Variants in L3MBTL3 observed in about 807,000 individuals in gnomAD.
The protein encoded by L3MBTL3 is lethal(3)malignant brain tumor-like protein 3.
Under a neutral mutation model 102.3 loss-of-function variants are expected in L3MBTL3, and 27 were observed. The observed-to-expected ratio is 0.26, with a 90% CI of 0.19 to 0.36. The LOEUF (loss-of-function observed/expected upper bound fraction) is 0.36. L3MBTL3 is among the 10% of genes least tolerant of loss of function. The probability of loss-of-function intolerance (pLI) is 1.00; values close to 1 mark genes in which losing one functional copy is unlikely to be tolerated. For synonymous variants in L3MBTL3, 340 were observed against 320.9 expected, an observed-to-expected ratio of 1.06 and a Z score of -0.64; for missense variants, 798 against 955.3, an observed-to-expected ratio of 0.84 and a Z score of 2.17.
rs1474963226 is a variant in L3MBTL3, at chr6:130,140,777, AG to A, written c.*1027del. 6.6e-6 allele frequency: 1 copy of A among 152,276 alleles called. No homozygotes were observed. The highest frequency in any genetic ancestry group is 1.5e-5 in the Non-Finnish European group (1 of 68,028). The allele number at this position is 152,276 out of a possible 1,614,324, so 9.4% of individuals were successfully genotyped here. ...TCCTCCAAACCCAAAGGTTTTTTTC[AG>A]GGTTGGCTAGAGAGCGAGTATTGTG... On this transcript the variant is annotated 3_prime_UTR_variant, in exon 23 of 23. Transcript: ENST00000361794.
intron 19 of L3MBTL3, among the ~76,000 whole-genome samples, chr6:130,109,285 G>C (rs1217308883): frequency 1.3e-5 from 2 of 152,188 alleles, no homozygotes; most frequent in East Asian, 3.9e-4. Flanking sequence ...TTGCCACAGT[G>C]TCTTCTATAA....
chr6:130,073,957 C>T (rs1024848346), intron 13 of L3MBTL3, among the ~76,000 whole-genome samples: 1 of 152,048 alleles, frequency 6.6e-6, no homozygotes, highest in Non-Finnish European at 1.5e-5. Flanking sequence ...TGTTTTCTTC[C>T]TCAACATGCA....
intron 16 of L3MBTL3, among the ~76,000 whole-genome samples, chr6:130,087,905 C>T (rs909643563): frequency 6.6e-6 from 1 of 151,550 alleles, no homozygotes; most frequent in Non-Finnish European, 1.5e-5. Flanking sequence ...AAAGTAATGA[C>T]AGTGCTTCTT....
intron 19 of L3MBTL3, among the ~76,000 whole-genome samples, chr6:130,107,645 G>A (rs1189603682): frequency 6.6e-6 from 1 of 152,162 alleles, no homozygotes; most frequent in African/African-American, 2.4e-5. Flanking sequence ...CATGGTTCTT[G>A]TTTCTTCTGG....
At chr6:130,131,203 C>T (rs1786988894) in intron 20 of L3MBTL3, among the ~76,000 whole-genome samples, 1 of 149,484 alleles carries the variant, frequency 6.7e-6, no homozygotes, top group Non-Finnish European at 1.5e-5. Flanking sequence ...TAGAAATAAG[C>T]CCTTTACAAA....
intron 3 of L3MBTL3, among the ~76,000 whole-genome samples, chr6:130,046,860 A>G (rs1236187570): frequency 6.6e-6 from 1 of 152,220 alleles, no homozygotes; most frequent in African/African-American, 2.4e-5. Flanking sequence ...ACATAGTGTT[A>G]GGAAATGTAT....
intron 6 of L3MBTL3, 135 bp downstream of exon 6, chr6:130,051,543 G>A (rs1020087794): frequency 2.7e-6 from 2 of 733,556 alleles, no homozygotes; most frequent in African/African-American, 3.5e-5. Context: ...TTTCCTTTAG[G>A]GCCACATGGG....
At chr6:130,026,453 T>C (rs540531743) in intron 2 of L3MBTL3, among the ~76,000 whole-genome samples, 1 of 152,302 alleles carries the variant, frequency 6.6e-6, no homozygotes, top group East Asian at 1.9e-4. Flanking sequence ...TAGTAACACA[T>C]AGAATATTTT....
intron 19 of L3MBTL3, among the ~76,000 whole-genome samples, chr6:130,116,658 C>G (rs994513136): frequency 6.6e-6 from 1 of 151,936 alleles, no homozygotes; most frequent in Non-Finnish European, 1.5e-5. Flanking sequence ...GAGGCTGAGG[C>G]TGGAGAAGCA....
chr6:130,115,799 TATTGAATTGA>T (rs549179421), intron 19 of L3MBTL3, among the ~76,000 whole-genome samples: 239 of 152,322 alleles, frequency 1.6e-3, no homozygotes, highest in Non-Finnish European at 3.0e-3. Flanking sequence ...AACTGAAATG[TATTGAATTGA>T]ATTGAATTGT....
intron 5 of L3MBTL3, among the ~76,000 whole-genome samples, chr6:130,050,190 C>T (rs1781006378): frequency 6.6e-6 from 1 of 152,216 alleles, no homozygotes; most frequent in South Asian, 2.1e-4. Flanking sequence ...GCCAGAGGAA[C>T]TTAACGTAGA....
chr6:130,124,695 G>T (rs1219545701), intron 20 of L3MBTL3, among the ~76,000 whole-genome samples: 3 of 152,244 alleles, frequency 2.0e-5, no homozygotes, highest in Admixed American at 1.3e-4. Flanking sequence ...CAGGGGCCAG[G>T]TGTGGTGGCT....
At chr6:130,019,195 G>A (rs1186173459) in intron 1 of L3MBTL3, among the ~76,000 whole-genome samples, 1 of 150,528 alleles carries the variant, frequency 6.6e-6, no homozygotes, top group East Asian at 2.0e-4. Flanking sequence ...TCGTGACACC[G>A]GGCGCGGGGT....
At chr6:130,020,862 C>G (rs1417442159) in intron 1 of L3MBTL3, among the ~76,000 whole-genome samples, 1 of 151,284 alleles carries the variant, frequency 6.6e-6, no homozygotes, top group Non-Finnish European at 1.5e-5. Context: ...TCCCTTGGCC[C>G]GCTTCTCCAC....
At chr6:130,118,537 G>A (rs1785890396) in intron 19 of L3MBTL3, among the ~76,000 whole-genome samples, 1 of 152,166 alleles carries the variant, frequency 6.6e-6, no homozygotes, top group Non-Finnish European at 1.5e-5. Context: ...TCTAGCTAAA[G>A]GAAACAGCAC....
In L3MBTL3 at chr6:130,083,594, A is replaced by G. The variant is rs773372552; in HGVS notation, c.1322-26A>G. 9 of 1,143,916 alleles carry G rather than the reference A, an allele frequency of 7.9e-6. No individual in the cohort carries two copies. The African/African-American group carries it at 1.3e-4, about 16-fold the overall frequency. 70.9% of individuals were successfully genotyped at this position (1,143,916 alleles called of 1,614,324 possible). ...CTTGCTATCATTTTGGTTAAACCTCATAGGATTTACATTTTTCTTTCTTAG... is the reference window on the plus strand; with the variant it reads ...CTTGCTATCATTTTGGTTAAACCTCGTAGGATTTACATTTTTCTTTCTTAG... On this transcript the variant is annotated intron_variant, in intron 14 of 22. Transcript: ENST00000361794.
At chr6:130,081,039 C>G (rs1048767701) in intron 14 of L3MBTL3, among the ~76,000 whole-genome samples, 1 of 152,246 alleles carries the variant, frequency 6.6e-6, no homozygotes, top group Non-Finnish European at 1.5e-5. Flanking sequence ...ATTTCTGCAT[C>G]CACTAAGCTG....
At chr6:130,124,799 A>G (rs1004280219) in intron 20 of L3MBTL3, among the ~76,000 whole-genome samples, 3 of 152,028 alleles carry the variant, frequency 2.0e-5, no homozygotes, top group Non-Finnish European at 2.9e-5. Context: ...GGAGAAACCC[A>G]GTCTTTACTA....
At chr6:130,049,729 T>A (rs780927271) in intron 4 of L3MBTL3, 27 bp from the exon 5 acceptor site, 49 of 1,613,846 alleles carry the variant, frequency 3.0e-5, no homozygotes, top group Non-Finnish European at 4.1e-5. Flanking sequence ...ACCTATATGC[T>A]GATGACTCCT....
Sources: gnomAD v4.1 joint callset for allele counts (sites outside exome capture counted in the v4.1 genomes callset) on GRCh38, gnomAD v4.1.1 for gene constraint, MANE v1.5 for transcripts, NCBI Gene and HGNC (gene_info 2026-07-23, HGNC 2026-07-21) for gene names.